The following RAD51B variants were observed in gnomAD, a reference collection of about 807,000 sequenced individuals.
The protein encoded by RAD51B is DNA repair protein RAD51 homolog 2.
Under a neutral mutation model 42.2 loss-of-function variants are expected in RAD51B, and 38 were observed. That is an observed-to-expected ratio of 0.90 (90% CI 0.70 to 1.18). RAD51B has a LOEUF of 1.18. RAD51B is among the 50% of genes most tolerant of loss of function. The pLI, the probability that RAD51B is intolerant of heterozygous loss-of-function variation, is 0.00. For missense variants in RAD51B, 373 were observed against 400.7 expected, an observed-to-expected ratio of 0.93 and a Z score of 0.59; for synonymous variants, 154 against 145.2, an observed-to-expected ratio of 1.06 and a Z score of -0.43.
chr14:68,152,198 C>G (rs549183952), intron 7 of RAD51B, among the ~76,000 whole-genome samples: 170 of 152,220 alleles, frequency 1.1e-3, no homozygotes, highest in Non-Finnish European at 1.6e-3. Flanking sequence ...ATTCCAGACA[C>G]ATAATTTGCT....
chr14:67,853,395 C>T (rs2139951414), intron 4 of RAD51B, among the ~76,000 whole-genome samples: 1 of 152,346 alleles, frequency 6.6e-6, no homozygotes, highest in East Asian at 1.9e-4. Context: ...TCTCTACTTC[C>T]ACTTTTCATC....
At chr14:68,388,539 C>G (rs1429393060) in intron 8 of RAD51B, among the ~76,000 whole-genome samples, 1 of 152,168 alleles carries the variant, frequency 6.6e-6, no homozygotes, top group Non-Finnish European at 1.5e-5. Flanking sequence ...ATATATCATT[C>G]TATTTCATCC....
At chr14:68,651,870 C>T (rs1892706579) in intron 11 of RAD51B, among the ~76,000 whole-genome samples, 1 of 152,232 alleles carries the variant, frequency 6.6e-6, no homozygotes, top group African/African-American at 2.4e-5. Context: ...TGGGCCCTCA[C>T]TTCTCCAGCA....
chr14:68,193,056 T>C (rs1393606021), intron 7 of RAD51B, among the ~76,000 whole-genome samples: 1 of 152,196 alleles, frequency 6.6e-6, no homozygotes, highest in Non-Finnish European at 1.5e-5. Flanking sequence ...TTTGTGGATC[T>C]CATTCAGGTA....
chr14:68,491,594 A>C (rs887379647), intron 10 of RAD51B, among the ~76,000 whole-genome samples: 1 of 152,204 alleles, frequency 6.6e-6, no homozygotes, highest in Non-Finnish European at 1.5e-5. Flanking sequence ...CCTAGTGTCC[A>C]GAAACCCGTC....
rs1203142977 is a variant in RAD51B, at chr14:68,323,532, C to T, written c.853+31552C>T. On this transcript the variant is annotated intron_variant, in intron 8 of 10. Transcript: ENST00000471583. ...AGGGGCCAGGTATGGTGTCTCAGGC[C>T]TGTAATCCTAACACTTTGAGAGGCC... Among the ~76,000 whole-genome samples the T allele has an allele frequency of 3.3e-5, 5 of 152,296 alleles. No homozygotes were observed. The East Asian group carries it at 7.7e-4, about 24-fold the overall frequency.
At chr14:68,624,452 C>T (rs1488057117) in intron 10 of RAD51B, among the ~76,000 whole-genome samples, 1 of 152,258 alleles carries the variant, frequency 6.6e-6, no homozygotes, top group South Asian at 2.1e-4. Flanking sequence ...CTAGCACTTC[C>T]GGGCCCTCGA....
At chr14:68,208,067 T>G (rs2079629590) in intron 7 of RAD51B, among the ~76,000 whole-genome samples, 2 of 152,084 alleles carry the variant, frequency 1.3e-5, no homozygotes, top group Admixed American at 1.3e-4. Flanking sequence ...GAAACTCATG[T>G]TTTTCTTTAA....
chr14:68,250,069 T>C (rs1440762026), intron 7 of RAD51B, among the ~76,000 whole-genome samples: 3 of 152,234 alleles, frequency 2.0e-5, no homozygotes, highest in Non-Finnish European at 4.4e-5. Context: ...TTTGGCGCTT[T>C]AGTGAATAAA....
Position 68,354,292 on chromosome 14 carries a change from C to T in RAD51B, c.854-57132C>T, listed in dbSNP as rs1215483484. On this transcript the variant is annotated intron_variant, in intron 8 of 10. Coordinates refer to ENST00000471583, the MANE Select transcript of RAD51B (RefSeq NM_133510.4). Reference sequence around the variant, plus strand: ...AGTGCAAGGGCACGATTTCGGCTCACGGCAACCTTCACCTCCCAGGTTCAA... The same window carrying T: ...AGTGCAAGGGCACGATTTCGGCTCATGGCAACCTTCACCTCCCAGGTTCAA... 6.1e-5 allele frequency among the ~76,000 whole-genome samples: 9 copies of T among 147,322 alleles called. No homozygotes were observed. The South Asian group carries it at 6.4e-4, about 10-fold the overall frequency.
At chr14:68,298,363 G>A (rs542946255) in intron 8 of RAD51B, among the ~76,000 whole-genome samples, 5 of 152,188 alleles carry the variant, frequency 3.3e-5, no homozygotes, top group Non-Finnish European at 7.3e-5. Flanking sequence ...TCAACCACCA[G>A]GAAGTGCTTC....
intron 10 of RAD51B, among the ~76,000 whole-genome samples, chr14:68,513,835 G>T (rs1056170101): frequency 1.3e-5 from 2 of 152,152 alleles, no homozygotes; most frequent in Admixed American, 1.3e-4. Flanking sequence ...TTAAAATTTT[G>T]TTCCTCAGTT....
chr14:67,946,438 G>A (rs536708929), intron 7 of RAD51B, among the ~76,000 whole-genome samples: 5 of 151,920 alleles, frequency 3.3e-5, no homozygotes, highest in African/African-American at 9.7e-5. Flanking sequence ...GTGCAATCTC[G>A]GCTCACTGCA....
chr14:68,166,102 G>A (rs1431603968), intron 7 of RAD51B, among the ~76,000 whole-genome samples: 1 of 151,304 alleles, frequency 6.6e-6, no homozygotes, highest in Non-Finnish European at 1.5e-5. Context: ...CAAAAGTTGA[G>A]ATCTGTATTC....
intron 10 of RAD51B, among the ~76,000 whole-genome samples, chr14:68,509,075 T>C (rs933457303): frequency 3.5e-4 from 54 of 152,328 alleles, no homozygotes; most frequent in African/African-American, 1.1e-3. Context: ...TGGGTCCTGA[T>C]TGAGTGAGGG....
intron 7 of RAD51B, among the ~76,000 whole-genome samples, chr14:68,010,756 T>C (rs1408421853): frequency 6.6e-6 from 1 of 151,858 alleles, no homozygotes; most frequent in Non-Finnish European, 1.5e-5. Flanking sequence ...AAAGGTAGAA[T>C]TTAGTAGATA....
chr14:68,639,763 T>G (rs372248979), intron 10 of RAD51B, among the ~76,000 whole-genome samples: 4 of 152,010 alleles, frequency 2.6e-5, no homozygotes, highest in African/African-American at 9.7e-5. Context: ...GCCAGGGTTT[T>G]GTTTTGTTTT....
chr14:68,529,370 T>C (rs945395023), intron 10 of RAD51B, among the ~76,000 whole-genome samples: 4 of 152,212 alleles, frequency 2.6e-5, no homozygotes, highest in Non-Finnish European at 5.9e-5. Flanking sequence ...CTAATTTTTG[T>C]ATTTTTTGGT....
At chr14:68,589,386 A>T (rs978867564) in intron 10 of RAD51B, among the ~76,000 whole-genome samples, 1 of 152,110 alleles carries the variant, frequency 6.6e-6, no homozygotes. Context: ...CTTTAGCTGC[A>T]GGAGTTGAGA....
Sources: allele counts gnomAD v4.1 joint callset (sites outside exome capture counted in the v4.1 genomes callset), GRCh38; gene constraint gnomAD v4.1.1; transcripts MANE v1.5; gene names NCBI Gene and HGNC (gene_info 2026-07-23, HGNC 2026-07-21).